The following HYDIN variants were observed in gnomAD, a reference collection of about 807,000 sequenced individuals.
The protein encoded by HYDIN is axonemal central pair apparatus protein HYDIN.
In HYDIN, 132 loss-of-function variants were observed where a neutral mutation model predicts 403.9. That is an observed-to-expected ratio of 0.33 (90% confidence interval 0.28 to 0.38). The LOEUF (loss-of-function observed/expected upper bound fraction) is 0.38. Among genes scored for constraint, HYDIN ranks in the 10% least tolerant of loss-of-function variants. The pLI, the probability that HYDIN is intolerant of heterozygous loss-of-function variation, is 1.00. For synonymous variants in HYDIN, 1,202 were observed against 1,891.7 expected (o/e 0.64, Z 9.46); for missense variants, 2,827 against 5,009.5 (o/e 0.56, Z 13.15).
At chr16:70,943,721 G>C in intron 42 of HYDIN, 91 bp downstream of exon 42, 2 of 1,502,068 alleles carry the variant, frequency 1.3e-6, no homozygotes, top group South Asian at 2.6e-5. Flanking sequence ...AGCTGCCGTG[G>C]GTGGCTGATG....
At chr16:71,131,145 T>A (rs1275735992) in intron 8 of HYDIN, among the ~76,000 whole-genome samples, 4 of 41,574 alleles carry the variant, frequency 9.6e-5, no homozygotes, top group Middle Eastern at 5.4e-3. Context: ...CCTGTCAGTA[T>A]TGTCAAATAA....
Position 70,837,716 on chromosome 16 carries a change from T to C in HYDIN, c.13216A>G (p.Ile4406Val). Residue 4406 changes from isoleucine (I) to valine (V), a missense_variant, in exon 77 of 86, where the codon ATC becomes GTC. Coordinates refer to ENST00000393567, the MANE Select transcript of HYDIN (RefSeq NM_001270974.2). ...INGLSQQTVEIKGKGTKMKIL... is the reference protein window; with the variant it reads ...INGLSQQTVEVKGKGTKMKIL... ...TTCATTTTGGTACCCTTCCCTTTGA[T>C]TTCGACTGTTTGTTGTGAGAGCCCA... 2 of 1,613,952 alleles carry C rather than the reference T, an allele frequency of 1.2e-6. No individual in the cohort carries two copies. Among genetic ancestry groups the C allele is most frequent in the Non-Finnish European group, 8.5e-7 (1 of 1,179,854 alleles).
intron 5 of HYDIN, among the ~76,000 whole-genome samples, chr16:71,172,355 T>C (rs1012251217): frequency 1.3e-4 from 20 of 152,168 alleles, no homozygotes; most frequent in Non-Finnish European, 5.9e-5. Context: ...AAGCCTAATA[T>C]TTTTCTTTCT....
intron 18 of HYDIN, among the ~76,000 whole-genome samples, chr16:71,058,894 T>C: frequency 6.6e-6 from 1 of 152,078 alleles, no homozygotes; most frequent in African/African-American, 2.4e-5. Flanking sequence ...ATGATGAGGA[T>C]GAAGATCTTT....
intron 15 of HYDIN, among the ~76,000 whole-genome samples, chr16:71,065,050 G>T (rs2082214654): frequency 6.6e-6 from 1 of 152,220 alleles, no homozygotes; most frequent in Admixed American, 6.5e-5. Context: ...ACTAGAAGCA[G>T]AACTCCTTGA....
At chr16:70,971,624 ACCT>A (rs2078735871) in intron 35 of HYDIN, among the ~76,000 whole-genome samples, 1 of 151,714 alleles carries the variant, frequency 6.6e-6, no homozygotes, top group Non-Finnish European at 1.5e-5. Flanking sequence ...CAATCTGAAG[ACCT>A]CCTATCTTAG....
intron 6 of HYDIN, among the ~76,000 whole-genome samples, chr16:71,153,414 AGTAG>A (rs1189836350): frequency 1.3e-5 from 2 of 151,176 alleles, no homozygotes; most frequent in African/African-American, 4.9e-5. Context: ...AGGTGGTAAC[AGTAG>A]CGCTGCCACA....
chr16:71,189,076 C>T (rs968588175), intron 1 of HYDIN, among the ~76,000 whole-genome samples: 6 of 152,106 alleles, frequency 3.9e-5, no homozygotes, highest in Admixed American at 2.0e-4. Context: ...TATATGATTA[C>T]AGTTACAAAG....
At chr16:71,049,066 G>A (rs557789561) in intron 18 of HYDIN, among the ~76,000 whole-genome samples, 208 of 152,366 alleles carry the variant, frequency 1.4e-3, no homozygotes, top group Non-Finnish European at 2.2e-3. Flanking sequence ...TGAAAAACTA[G>A]GTATAGCTTT....
At position 71,087,079 on chromosome 16, in the gene HYDIN, G is replaced by A. The variant is rs554266697; in HGVS notation, c.1670+1222C>T. ...ACACACATGTATTATGGAAGAGAAC[G>A]TAAATGTCTTGTGAATGTTTCAGAT... On this transcript the variant is annotated intron_variant, in intron 12 of 85. Coordinates refer to ENST00000393567, the MANE Select transcript of HYDIN (RefSeq NM_001270974.2). Among the ~76,000 whole-genome samples, 6 of 151,846 alleles carry A rather than the reference G, an allele frequency of 4.0e-5. No individual in the cohort carries two copies. The South Asian group carries it at 8.4e-4, about 21-fold the overall frequency.
At chr16:70,809,102 G>C (rs2035291722) in intron 85 of HYDIN, among the ~76,000 whole-genome samples, 1 of 152,198 alleles carries the variant, frequency 6.6e-6, no homozygotes, top group Admixed American at 6.5e-5. Context: ...TTTAAATAGA[G>C]ATGAGGTCTC....
rs1221465237 is a variant in HYDIN, at chr16:70,933,883, T to C, written c.7158+2069A>G. On this transcript the variant is annotated intron_variant, in intron 45 of 85. Coordinates refer to ENST00000393567, the MANE Select transcript of HYDIN (RefSeq NM_001270974.2). ...TCCCCTCCTCTCTTCCTCCAACCCA[T>C]TATGTATGATCAGGTAGCACTGAAG... Among the ~76,000 whole-genome samples the C allele has an allele frequency of 2.0e-5, 3 of 151,972 alleles. No individual in the cohort carries two copies. The East Asian group carries it at 5.8e-4, about 29-fold the overall frequency.
chr16:71,129,634 G>A lies in HYDIN; in HGVS notation c.1227+6C>T, dbSNP rs756165916. On this transcript the variant is annotated splice_donor_region_variant and intron_variant, in intron 9 of 85. Coordinates refer to ENST00000393567, the MANE Select transcript of HYDIN (RefSeq NM_001270974.2). Reference sequence around the variant, plus strand: ...CTGTATGGTCAGCTTTTATTTATATGCTCACCAGGGGCTCCACAGTGAAAA... The same window carrying A: ...CTGTATGGTCAGCTTTTATTTATATACTCACCAGGGGCTCCACAGTGAAAA... 5 of 1,605,602 alleles carry A rather than the reference G, an allele frequency of 3.1e-6. No individual in the cohort carries two copies. The Admixed American group carries it at 6.9e-5, about 22-fold the overall frequency.
chr16:70,874,621 T>C (rs2040335949), intron 63 of HYDIN, 29 bp from the exon 64 acceptor site: 1 of 540,934 alleles, frequency 1.8e-6, no homozygotes, highest in Non-Finnish European at 3.1e-6. Context: ...AGATATGATT[T>C]AGAACTAGTT....
chr16:70,957,467 C>T (rs761152221), intron 39 of HYDIN, among the ~76,000 whole-genome samples: 5 of 151,988 alleles, frequency 3.3e-5, no homozygotes, highest in East Asian at 1.9e-4. Context: ...GCTGGGATTA[C>T]AGGCGCCTGC....
intron 83 of HYDIN, among the ~76,000 whole-genome samples, chr16:70,819,055 C>T (rs2143459074): frequency 6.6e-6 from 1 of 150,540 alleles, no homozygotes; most frequent in Non-Finnish European, 1.5e-5. Flanking sequence ...GCTGGGATTA[C>T]AGGCGCCTGC....
intron 76 of HYDIN, among the ~76,000 whole-genome samples, chr16:70,838,178 ATTTC>A (rs562861473): frequency 2.8e-4 from 42 of 151,406 alleles, no homozygotes; most frequent in African/African-American, 6.3e-4. Context: ...CCGATTCTGT[ATTTC>A]TTTCTTTCTT....
chr16:70,953,571 C>T (rs1212288368), intron 40 of HYDIN, among the ~76,000 whole-genome samples: 1 of 152,136 alleles, frequency 6.6e-6, no homozygotes, highest in Non-Finnish European at 1.5e-5. Context: ...CATGACCCCT[C>T]CTGAAATGTA....
rs374415630 is a variant in HYDIN at position 71,041,547 on chromosome 16, C to T, written c.2530-9630G>A. Among the ~76,000 whole-genome samples, 1,075 of 151,474 alleles carry T rather than the reference C, an allele frequency of 7.1e-3. 3 individuals are homozygous for T. Among genetic ancestry groups the T allele is most frequent in the African/African-American group, 0.024 (1,013 of 41,390 alleles). On this transcript the variant is annotated intron_variant, in intron 18 of 85. Coordinates refer to ENST00000393567, the MANE Select transcript of HYDIN (RefSeq NM_001270974.2). The stretch of plus-strand genomic sequence containing the variant: ...CTAGCCAGTAAAAATGATCTGTAGA[C>T]GAATATTCCTTAATAATTCATATTA...
Sources: allele counts gnomAD v4.1 joint callset (sites outside exome capture counted in the v4.1 genomes callset), GRCh38; gene constraint gnomAD v4.1.1; transcripts MANE v1.5; gene names NCBI Gene and HGNC (gene_info 2026-07-23, HGNC 2026-07-21).